The following PRELID2 variants were observed in gnomAD, a reference collection of about 807,000 sequenced individuals.
The protein encoded by PRELID2 is PRELI domain containing 2.
A neutral mutation model predicts 28.4 loss-of-function variants in PRELID2; 25 were observed. The observed-to-expected ratio is 0.88, with a 90% CI of 0.64 to 1.23. PRELID2 has a LOEUF of 1.23. Ranked by LOEUF, PRELID2 falls within the 50% of genes most tolerant of loss-of-function variation. The pLI is 0.00. For synonymous variants in PRELID2, 76 were observed against 71.6 expected, an observed-to-expected ratio of 1.06 and a Z score of -0.31; for missense variants, 201 against 214.4, an observed-to-expected ratio of 0.94 and a Z score of 0.39.
chr5:145,371,361 A>G, the PRELID2 span, among the ~76,000 whole-genome samples: 1 of 152,222 alleles, frequency 6.6e-6, no homozygotes, highest in African/African-American at 2.4e-5. Context: ...TTCTGCATCT[A>G]TTGAGATAAT....
intron 3 of PRELID2, chr5:145,819,545 A>G (rs1234624601): frequency 2.6e-5 from 16 of 606,162 alleles, no homozygotes; most frequent in Non-Finnish European, 4.6e-5. Context: ...GTTATCTCTG[A>G]TAGTGAATTA....
chr5:145,652,330 C>A (rs1266302257), intron 1 of PRELID2, among the ~76,000 whole-genome samples: 7 of 152,196 alleles, frequency 4.6e-5, no homozygotes, highest in Non-Finnish European at 1.0e-4. Flanking sequence ...AAACACTCTG[C>A]AGGATGTTAT....
At chr5:145,626,554 C>T (rs543075302) in intron 1 of PRELID2, among the ~76,000 whole-genome samples, 5 of 152,000 alleles carry the variant, frequency 3.3e-5, no homozygotes, top group South Asian at 4.2e-4. Flanking sequence ...GAAATGGGAA[C>T]GCTTATACAC....
intron 1 of PRELID2, among the ~76,000 whole-genome samples, chr5:145,670,141 C>T (rs2149682583): frequency 1.3e-5 from 2 of 152,240 alleles, no homozygotes; most frequent in Middle Eastern, 6.8e-3. Flanking sequence ...TGCACTTCTG[C>T]CAGCTGTCCA....
intron 1 of PRELID2, among the ~76,000 whole-genome samples, chr5:145,660,736 G>C (rs1754477187): frequency 6.6e-6 from 1 of 152,122 alleles, no homozygotes; most frequent in South Asian, 2.1e-4. Context: ...ATCTTCAGAA[G>C]AAATAGGAAC....
the PRELID2 span, among the ~76,000 whole-genome samples, chr5:145,459,663 T>C: frequency 6.6e-6 from 1 of 152,130 alleles, no homozygotes; most frequent in African/African-American, 2.4e-5. Flanking sequence ...AAAATAATCT[T>C]CATTCTGAAA....
the PRELID2 span, among the ~76,000 whole-genome samples, chr5:145,460,802 C>T: frequency 6.6e-6 from 1 of 152,174 alleles, no homozygotes; most frequent in East Asian, 1.9e-4. Flanking sequence ...GCTATACTGC[C>T]TCCTAAGATC....
chr5:145,720,328 A>G (rs1755953264), intron 1 of PRELID2, among the ~76,000 whole-genome samples: 1 of 151,802 alleles, frequency 6.6e-6, no homozygotes, highest in South Asian at 2.1e-4. Flanking sequence ...CATTAAAGAT[A>G]ATTTTAAAAA....
At chr5:145,309,039 C>T in the PRELID2 span, among the ~76,000 whole-genome samples, 1 of 152,110 alleles carries the variant, frequency 6.6e-6, no homozygotes, top group Non-Finnish European at 1.5e-5. Context: ...AAAACTGGAT[C>T]ATTAAAAATT....
chr5:145,256,161 G>GT, the PRELID2 span, among the ~76,000 whole-genome samples: 4 of 151,822 alleles, frequency 2.6e-5, no homozygotes, highest in East Asian at 7.7e-4. Flanking sequence ...TTTTCTTGCC[G>GT]TATCAGCTTC....
the PRELID2 span, among the ~76,000 whole-genome samples, chr5:145,397,398 A>T: frequency 1.3e-5 from 2 of 152,270 alleles, no homozygotes; most frequent in African/African-American, 4.8e-5. Context: ...AATGGTTATC[A>T]TATTGTCCAC....
the PRELID2 span, among the ~76,000 whole-genome samples, chr5:145,405,194 A>G: frequency 6.6e-6 from 1 of 152,214 alleles, no homozygotes; most frequent in Non-Finnish European, 1.5e-5. Flanking sequence ...ATATTCCCCA[A>G]AAAGAAAATT....
chr5:145,780,992 T>C (rs1224045926), intron 5 of PRELID2, among the ~76,000 whole-genome samples: 1 of 152,082 alleles, frequency 6.6e-6, no homozygotes, highest in African/African-American at 2.4e-5. Context: ...GACAAAGAAA[T>C]GTCACTCCAA....
intron 1 of PRELID2, among the ~76,000 whole-genome samples, chr5:145,733,544 A>C (rs996863797): frequency 6.6e-6 from 1 of 152,170 alleles, no homozygotes; most frequent in African/African-American, 2.4e-5. Context: ...CTGATTTACC[A>C]TTTGTTTCTC....
At chr5:145,535,440 T>C (rs1752690934) in intron 1 of PRELID2, among the ~76,000 whole-genome samples, 1 of 151,910 alleles carries the variant, frequency 6.6e-6, no homozygotes. Flanking sequence ...TTCAATTCAA[T>C]ATTTATTTAC....
At chr5:145,407,968 T>C in the PRELID2 span, among the ~76,000 whole-genome samples, 6 of 152,098 alleles carry the variant, frequency 3.9e-5, no homozygotes, top group African/African-American at 1.4e-4. Flanking sequence ...ATGAATCACA[T>C]CACAGGACTC....
intron 1 of PRELID2, among the ~76,000 whole-genome samples, chr5:145,719,509 G>A (rs913836980): frequency 6.6e-6 from 1 of 151,796 alleles, no homozygotes; most frequent in South Asian, 2.1e-4. Flanking sequence ...GAGAGAGAGA[G>A]AGAGAGAGAG....
chr5:145,373,956 G>A, the PRELID2 span, among the ~76,000 whole-genome samples: 1,451 of 139,862 alleles, frequency 0.01, 26 homozygotes, highest in African/African-American at 0.037. Flanking sequence ...GATATTATAT[G>A]TTATAACATA....
chr5:145,577,398 CAGAG>C (rs1235386353), intron 1 of PRELID2, among the ~76,000 whole-genome samples: 1 of 151,824 alleles, frequency 6.6e-6, no homozygotes, highest in African/African-American at 2.4e-5. Flanking sequence ...AGAAATTTAA[CAGAG>C]AGATTAAAGT....
Sources: allele counts gnomAD v4.1 joint callset (sites outside exome capture counted in the v4.1 genomes callset), GRCh38; gene constraint gnomAD v4.1.1; transcripts MANE v1.5; gene names NCBI Gene and HGNC (gene_info 2026-07-23, HGNC 2026-07-21).